The following BANP variants were observed in gnomAD, a reference collection of about 807,000 sequenced individuals.
BANP encodes protein BANP.
A neutral mutation model predicts 68.1 loss-of-function variants in BANP; 11 were observed. The observed-to-expected ratio is 0.16, with a 90% confidence interval of 0.10 to 0.27. The LOEUF is 0.27. Ranked by LOEUF, BANP falls within the 10% of genes least tolerant of loss-of-function variation. The pLI, the probability that BANP is intolerant of heterozygous loss-of-function variation, is 1.00. For missense variants in BANP, 504 were observed against 722.7 expected (o/e 0.70, Z 3.47); for synonymous variants, 329 against 303.2 (o/e 1.09, Z -0.88).
At position 87,998,880 on chromosome 16, in the gene BANP, G is replaced by A. The variant is rs1160448521; in HGVS notation, c.363-5415G>A. The stretch of plus-strand genomic sequence containing the variant: ...TCCTTCCAGACACGTCTCCATGCAC[G>A]CACGTGCGCGGCTGTACTTACCAGG... On this transcript the variant is annotated intron_variant, in intron 4 of 13. Coordinates refer to ENST00000682872, the MANE Select transcript of BANP (RefSeq NM_001386991.1). Among the ~76,000 whole-genome samples the A allele has an allele frequency of 7.3e-5, 9 of 122,596 alleles. No individual in the cohort carries two copies. In the East Asian group the frequency reaches 2.1e-3, roughly 29 times the overall value. The allele number at this position is 122,596 out of a possible 152,430, so 80.4% of individuals were successfully genotyped here.
chr16:87,980,589 G>A (rs1403674593), intron 2 of BANP: 3 of 197,978 alleles, frequency 1.5e-5, no homozygotes, highest in African/African-American at 7.2e-5. Context: ...CTATGGCAAT[G>A]TGATATTCAG....
intron 11 of BANP, among the ~76,000 whole-genome samples, chr16:88,045,978 C>T (rs981231043): frequency 3.9e-5 from 6 of 152,266 alleles, no homozygotes; most frequent in African/African-American, 7.2e-5. Flanking sequence ...TGGCACTCAC[C>T]AGCCTCCGGG....
chr16:88,053,055 C>A (rs978227906), intron 11 of BANP, among the ~76,000 whole-genome samples: 6 of 151,966 alleles, frequency 3.9e-5, no homozygotes, highest in Non-Finnish European at 5.9e-5. Context: ...TCACCATCAC[C>A]CCTGTCATCT....
At chr16:87,987,913 ACGC>A (rs1303441908) in intron 4 of BANP, among the ~76,000 whole-genome samples, 1 of 151,976 alleles carries the variant, frequency 6.6e-6, no homozygotes, top group African/African-American at 2.4e-5. Flanking sequence ...CTGTAGGTGC[ACGC>A]TACTATGCTT....
intron 4 of BANP, among the ~76,000 whole-genome samples, chr16:87,995,323 G>C (rs2066904875): frequency 6.6e-6 from 1 of 152,142 alleles, no homozygotes; most frequent in Non-Finnish European, 1.5e-5. Flanking sequence ...TCCTCTTTTT[G>C]TAAGTACATT....
At chr16:87,953,057 G>A (rs534093449) in intron 1 of BANP, among the ~76,000 whole-genome samples, 103 of 152,192 alleles carry the variant, frequency 6.8e-4, no homozygotes, top group South Asian at 2.3e-3. Context: ...AACATCTCGG[G>A]TGCTTCATCA....
At chr16:88,038,160 G>A in intron 11 of BANP, 149 bp downstream of exon 11, 1 of 751,722 alleles carries the variant, frequency 1.3e-6, no homozygotes, top group Non-Finnish European at 2.3e-6. Context: ...CTCACGGGAG[G>A]GGTGGGACGG....
chr16:88,033,954 G>A (rs569576916), intron 9 of BANP, among the ~76,000 whole-genome samples: 3 of 152,276 alleles, frequency 2.0e-5, no homozygotes, highest in Non-Finnish European at 2.9e-5. Flanking sequence ...AATTTTACAT[G>A]CACCACTAGA....
chr16:87,967,851 G>A (rs2060348972), intron 1 of BANP, among the ~76,000 whole-genome samples: 2 of 151,796 alleles, frequency 1.3e-5, no homozygotes, highest in South Asian at 2.1e-4. Flanking sequence ...TCGAACTCTC[G>A]ACCTCATGAT....
chr16:88,038,992 G>A (rs776044901), intron 11 of BANP, among the ~76,000 whole-genome samples: 19 of 152,184 alleles, frequency 1.2e-4, no homozygotes, highest in Admixed American at 2.0e-4. Flanking sequence ...CAGGCCCTGC[G>A]GATCTCTGAC....
In BANP at chr16:88,072,062, C is replaced by T; in HGVS notation, c.1378-7C>T. 1 of 1,567,108 alleles carries T rather than the reference C, an allele frequency of 6.4e-7. No individual in the cohort carries two copies. Among genetic ancestry groups the T allele is most frequent in the Non-Finnish European group, 8.6e-7 (1 of 1,158,130 alleles). On this transcript the variant is annotated splice_polypyrimidine_tract_variant and splice_region_variant and intron_variant, in intron 12 of 13. Transcript: ENST00000682872. ...CCGCTGACGGGCCCCCGTGTGTCTCCCTCCAGGTGCTGCAGGGTGCACAGC... is the reference window on the plus strand; with the variant it reads ...CCGCTGACGGGCCCCCGTGTGTCTCTCTCCAGGTGCTGCAGGGTGCACAGC...
At chr16:87,976,746 G>T (rs991123929) in intron 2 of BANP, among the ~76,000 whole-genome samples, 1 of 152,156 alleles carries the variant, frequency 6.6e-6, no homozygotes, top group African/African-American at 2.4e-5. Context: ...GAAGGGGAGG[G>T]CAGTAGAAAT....
intron 8 of BANP, among the ~76,000 whole-genome samples, chr16:88,028,669 GGGGTGT>G (rs1296679662): frequency 6.6e-6 from 1 of 152,212 alleles, no homozygotes; most frequent in Non-Finnish European, 1.5e-5. Flanking sequence ...TAGCAGTCCT[GGGGTGT>G]GGGTTAAGGG....
intron 4 of BANP, among the ~76,000 whole-genome samples, chr16:87,998,456 C>T (rs892011598): frequency 6.6e-6 from 1 of 151,158 alleles, no homozygotes; most frequent in African/African-American, 2.4e-5. Context: ...TCTGTGCCAT[C>T]TGCGTGGGCT....
intron 8 of BANP, among the ~76,000 whole-genome samples, chr16:88,028,324 C>T (rs1235164394): frequency 2.6e-5 from 4 of 152,242 alleles, no homozygotes; most frequent in Non-Finnish European, 4.4e-5. Flanking sequence ...GTGGGCAGGG[C>T]CAGCTCTCCT....
intron 6 of BANP, among the ~76,000 whole-genome samples, chr16:88,011,841 C>T (rs1298876769): frequency 6.6e-6 from 1 of 152,156 alleles, no homozygotes; most frequent in Non-Finnish European, 1.5e-5. Context: ...AATCTTTCTG[C>T]TCCCCTTTTC....
At chr16:87,973,768 A>AAAGAAAG (rs1555544114) in intron 1 of BANP, among the ~76,000 whole-genome samples, 5,244 of 104,780 alleles carry the variant, frequency 0.05, 391 homozygotes, top group African/African-American at 0.16. Flanking sequence ...AAAAAAAAAA[A>AAAGAAAG]AAAAAAGAAA....
At chr16:87,990,817 C>T (rs2065709485) in intron 4 of BANP, among the ~76,000 whole-genome samples, 1 of 152,164 alleles carries the variant, frequency 6.6e-6, no homozygotes, top group African/African-American at 2.4e-5. Context: ...GGCTGGAGTG[C>T]AGTGGCGCAA....
intron 11 of BANP, among the ~76,000 whole-genome samples, chr16:88,039,264 C>T (rs1463678941): frequency 3.3e-5 from 5 of 150,896 alleles, no homozygotes; most frequent in East Asian, 2.0e-4. Flanking sequence ...CAAAGGAATG[C>T]GCAGCTTTTA....
Sources: allele counts gnomAD v4.1 joint callset (sites outside exome capture counted in the v4.1 genomes callset), GRCh38; gene constraint gnomAD v4.1.1; transcripts MANE v1.5; gene names NCBI Gene and HGNC (gene_info 2026-07-23, HGNC 2026-07-21).